The following KSR1 variants were observed in gnomAD, a reference collection of about 807,000 sequenced individuals.
The protein encoded by KSR1 is kinase suppressor of ras 1.
KSR1 carries 35 observed loss-of-function variants against 92.9 expected under a neutral mutation model. That is an observed-to-expected ratio of 0.38 (90% confidence interval 0.29 to 0.50). The LOEUF (loss-of-function observed/expected upper bound fraction) is 0.50. Among genes scored for constraint, KSR1 ranks in the 20% least tolerant of loss-of-function variants. The pLI is 0.94. For synonymous variants in KSR1, 467 were observed against 472.6 expected (o/e 0.99, Z 0.15); for missense variants, 972 against 1,158.5 (o/e 0.84, Z 2.34).
intron 1 of KSR1, among the ~76,000 whole-genome samples, chr17:27,521,027 T>C (rs1036816534): frequency 1.3e-5 from 2 of 152,192 alleles, no homozygotes; most frequent in African/African-American, 4.8e-5. Flanking sequence ...CCTCAAGCAC[T>C]TGTGGCTGTC....
chr17:27,543,671 TG>T (rs2071053126), intron 1 of KSR1, among the ~76,000 whole-genome samples: 1 of 152,176 alleles, frequency 6.6e-6, no homozygotes, highest in African/African-American at 2.4e-5. Flanking sequence ...CAGATGACAC[TG>T]AGGCTGATCA....
In KSR1 at chr17:27,626,150, A is replaced by G. The variant is rs1031136414; in HGVS notation, c.*2758A>G. On this transcript the variant is annotated 3_prime_UTR_variant, in exon 21 of 21. Transcript: ENST00000644974. ...TGTGAAGCCAGTTGGAGTTTGTGCT[A>G]TGCAGCAGTGTTAGCCAGGATCTCA... 2.6e-5 allele frequency: 4 copies of G among 152,240 alleles called. No individual in the cohort carries two copies. Among genetic ancestry groups the G allele is most frequent in the Non-Finnish European group, 4.4e-5 (3 of 68,066 alleles). The allele number at this position is 152,240 out of a possible 1,614,324, so 9.4% of individuals were successfully genotyped here.
At chr17:27,457,700 G>A (rs1444793308) in intron 1 of KSR1, among the ~76,000 whole-genome samples, 1 of 152,154 alleles carries the variant, frequency 6.6e-6, no homozygotes, top group African/African-American at 2.4e-5. Flanking sequence ...AGGGTTGTTG[G>A]GGCACCCTGT....
intron 10 of KSR1, among the ~76,000 whole-genome samples, chr17:27,598,979 G>C (rs2073447426): frequency 1.3e-5 from 2 of 152,218 alleles, no homozygotes; most frequent in African/African-American, 4.8e-5. Flanking sequence ...GGTAAACCTG[G>C]GAAAAGATTA....
At chr17:27,462,627 C>G (rs777426885) in intron 1 of KSR1, among the ~76,000 whole-genome samples, 4 of 152,228 alleles carry the variant, frequency 2.6e-5, no homozygotes, top group African/African-American at 9.6e-5. Context: ...GGCTACCTGT[C>G]TTATTCTTTC....
Position 27,617,296 on chromosome 17 carries a change from A to C in KSR1, c.2495A>C (p.Glu832Ala). ...CACTAATGGCAGCTCCATTTGCAGG[A>C]GATCCTGTCGGCCTGCTGGGCTTTC... ...TSVSLGKEVS[E>A]ILSACWAFDL... is the part of the protein sequence containing the mutation. Residue 832 changes from glutamate (E) to alanine (A), a missense_variant and splice_region_variant, in exon 19 of 21, where the codon GAG becomes GCG. Coordinates refer to ENST00000644974, the MANE Select transcript of KSR1 (RefSeq NM_001394583.1). The C allele has an allele frequency of 6.2e-7, 1 of 1,605,046 alleles. No individual in the cohort carries two copies. The highest frequency in any genetic ancestry group is 8.5e-7 in the Non-Finnish European group (1 of 1,173,750).
At chr17:27,525,991 A>AATTTTCTTTTCTTTTCTTTT (rs1555576233) in intron 1 of KSR1, among the ~76,000 whole-genome samples, 2 of 71,200 alleles carry the variant, frequency 2.8e-5, no homozygotes, top group Non-Finnish European at 5.0e-5. Flanking sequence ...ACTGCAACTA[A>AATTTTCTTTTCTTTTCTTTT]CTTTTCTTTT....
At chr17:27,487,314 A>G (rs1422033012) in intron 1 of KSR1, among the ~76,000 whole-genome samples, 1 of 152,088 alleles carries the variant, frequency 6.6e-6, no homozygotes, top group Admixed American at 6.5e-5. Context: ...GCACGTCTGT[A>G]ATCCCAGCTA....
At chr17:27,556,579 G>T (rs982615759) in intron 2 of KSR1, among the ~76,000 whole-genome samples, 2 of 152,196 alleles carry the variant, frequency 1.3e-5, no homozygotes, top group African/African-American at 4.8e-5. Context: ...ACAGTAAACT[G>T]CACATATACC....
chr17:27,522,501 T>C (rs1173965487), intron 1 of KSR1, among the ~76,000 whole-genome samples: 1 of 152,194 alleles, frequency 6.6e-6, no homozygotes, highest in Admixed American at 6.5e-5. Flanking sequence ...GAGATGCTCA[T>C]GAGCCACCAC....
intron 1 of KSR1, among the ~76,000 whole-genome samples, chr17:27,548,327 A>G (rs1033706709): frequency 9.9e-5 from 15 of 152,152 alleles, no homozygotes; most frequent in East Asian, 3.8e-4. Flanking sequence ...AAAAGGGTCT[A>G]TGGCCCCAAA....
At chr17:27,529,034 C>T (rs2151038173) in intron 1 of KSR1, among the ~76,000 whole-genome samples, 1 of 152,266 alleles carries the variant, frequency 6.6e-6, no homozygotes, top group South Asian at 2.1e-4. Flanking sequence ...ATAAAAATGA[C>T]ACCCGTTCTT....
intron 1 of KSR1, among the ~76,000 whole-genome samples, chr17:27,537,932 A>G (rs755789199): frequency 2.2e-4 from 33 of 152,246 alleles, no homozygotes; most frequent in South Asian, 4.1e-4. Flanking sequence ...GTTTGTGAAT[A>G]TGGGCTTGAC....
intron 1 of KSR1, among the ~76,000 whole-genome samples, chr17:27,506,136 C>G (rs2069372916): frequency 6.6e-6 from 1 of 152,182 alleles, no homozygotes; most frequent in Non-Finnish European, 1.5e-5. Flanking sequence ...GGATATGTAT[C>G]TGATTCACCT....
At chr17:27,607,778 G>A in intron 14 of KSR1, 136 bp from the exon 15 acceptor site, 1 of 663,920 alleles carries the variant, frequency 1.5e-6, no homozygotes, top group South Asian at 1.8e-5. Context: ...GGTTAAAGAA[G>A]ATTTGGCTCA....
At chr17:27,504,320 G>C (rs780733443) in intron 1 of KSR1, among the ~76,000 whole-genome samples, 18 of 152,202 alleles carry the variant, frequency 1.2e-4, no homozygotes, top group Admixed American at 5.2e-4. Context: ...CAACTCAGTT[G>C]CAGGTCTGTG....
At chr17:27,543,586 C>T (rs1250847946) in intron 1 of KSR1, among the ~76,000 whole-genome samples, 1 of 152,210 alleles carries the variant, frequency 6.6e-6, no homozygotes, top group Admixed American at 6.5e-5. Flanking sequence ...CAAGCCTCAC[C>T]ACCATCCAAG....
intron 2 of KSR1, among the ~76,000 whole-genome samples, chr17:27,555,511 C>CCT (rs1025289601): frequency 1.3e-5 from 2 of 150,084 alleles, no homozygotes; most frequent in African/African-American, 4.9e-5. Flanking sequence ...TTTTGTTTGG[C>CCT]GTGTGTGTGT....
At chr17:27,610,601 G>C (rs11871451) in intron 17 of KSR1, among the ~76,000 whole-genome samples, 20,930 of 152,184 alleles carry the variant, frequency 0.14, 1,597 homozygotes, top group Admixed American at 0.23. Flanking sequence ...AAAGACCTGG[G>C]TGCTGACCAG....
Sources: gnomAD v4.1 joint callset for allele counts (sites outside exome capture counted in the v4.1 genomes callset) on GRCh38, gnomAD v4.1.1 for gene constraint, MANE v1.5 for transcripts, NCBI Gene and HGNC (gene_info 2026-07-23, HGNC 2026-07-21) for gene names.